The following ZNF500 variants were observed in gnomAD, a reference collection of about 807,000 sequenced individuals.
ZNF500 encodes the protein zinc finger protein with KRAB and SCAN domains 18.
A neutral mutation model predicts 30.1 loss-of-function variants in ZNF500; 31 were observed. The ratio of observed to expected loss-of-function variants is 1.03; its 90% CI spans 0.77 to 1.39. The LOEUF (loss-of-function observed/expected upper bound fraction) is 1.39. Among genes scored for constraint, ZNF500 ranks in the 40% most tolerant of loss-of-function variants. The pLI is 0.00. For missense variants in ZNF500, 817 were observed against 657.8 expected (o/e 1.24, Z -2.65); for synonymous variants, 392 against 282.0 (o/e 1.39, Z -3.91).
intron 5 of ZNF500, among the ~76,000 whole-genome samples, chr16:4,759,170 G>C (rs1394674916): frequency 6.6e-6 from 1 of 150,872 alleles, no homozygotes; most frequent in South Asian, 2.1e-4. Flanking sequence ...AGCTGAGATC[G>C]TGCCACTCCA....
intron 5 of ZNF500, among the ~76,000 whole-genome samples, chr16:4,753,671 G>A (rs1422990200): frequency 2.6e-5 from 4 of 152,214 alleles, no homozygotes; most frequent in Admixed American, 1.3e-4. Context: ...TAAGCCAGGG[G>A]TTCCCACCCA....
chr16:4,754,877 T>C (rs1343025587), intron 5 of ZNF500, among the ~76,000 whole-genome samples: 1 of 152,070 alleles, frequency 6.6e-6, no homozygotes, highest in Non-Finnish European at 1.5e-5. Context: ...TGGAGGCAGA[T>C]TTCTCATGAA....
At position 4,752,588 on chromosome 16, in the gene ZNF500, A is replaced by T; in HGVS notation, c.1231T>A (p.Cys411Ser). 1 of 1,588,930 alleles carries T rather than the reference A, an allele frequency of 6.3e-7. No homozygotes were observed. The highest frequency in any genetic ancestry group is 8.6e-7 in the Non-Finnish European group (1 of 1,168,458). ...TTGAAGCGCTTCCCGCACTGGGTGC[A>T]GGCATAGGGCCGCTCCCCGCTGTGT... ...RTHSGERPYA[C>S]TQCGKRFNNS... is the part of the protein sequence containing the mutation. Residue 411 changes from cysteine to serine, a missense_variant, in exon 6 of 6, where the codon TGC (cysteine) becomes AGC (serine). Cys to Ser is a moderately radical substitution (Grantham distance 112, BLOSUM62 -1). Transcript: ENST00000219478.
At position 4,752,195 on chromosome 16, in the gene ZNF500, C is replaced by A; in HGVS notation, c.*181G>T. 1 of 1,419,816 alleles carries A rather than the reference C, an allele frequency of 7.0e-7. No homozygotes were observed. The highest frequency in any genetic ancestry group is 2.6e-4 in the Middle Eastern group (1 of 3,852). The allele number at this position is 1,419,816 out of a possible 1,614,324, so 88.0% of individuals were successfully genotyped here. ...CTCAGAGCCTGTCCTTGCCCTTGTT[C>A]TGCACCCAGTGCCCAGCTTCCTCTG... On this transcript the variant is annotated 3_prime_UTR_variant, in exon 6 of 6. Coordinates refer to ENST00000219478, the MANE Select transcript of ZNF500 (RefSeq NM_021646.4).
At chr16:4,754,789 CTA>C (rs1272754874) in intron 5 of ZNF500, among the ~76,000 whole-genome samples, 1 of 152,028 alleles carries the variant, frequency 6.6e-6, no homozygotes, top group African/African-American at 2.4e-5. Flanking sequence ...TGGTTTCGAT[CTA>C]TGTCCTCACC....
intron 1 of ZNF500, among the ~76,000 whole-genome samples, chr16:4,766,337 G>A (rs1310969672): frequency 1.3e-5 from 2 of 152,202 alleles, no homozygotes; most frequent in African/African-American, 4.8e-5. Context: ...AGAACTAAAA[G>A]GGATGGCTGG....
At chr16:4,765,031 T>A (rs955478348) in intron 2 of ZNF500, among the ~76,000 whole-genome samples, 1 of 152,264 alleles carries the variant, frequency 6.6e-6, no homozygotes, top group African/African-American at 2.4e-5. Context: ...GCTGGCGTAG[T>A]GGCTCATGCC....
At chr16:4,759,917 T>G (rs1364926616) in intron 5 of ZNF500, among the ~76,000 whole-genome samples, 2 of 152,180 alleles carry the variant, frequency 1.3e-5, no homozygotes, top group Non-Finnish European at 2.9e-5. Flanking sequence ...CGAGTACCTG[T>G]AATCCCAGCT....
downstream of ZNF500, chr16:4,747,526 C>G: frequency 6.2e-7 from 1 of 1,613,102 alleles, no homozygotes; most frequent in Non-Finnish European, 8.5e-7. Flanking sequence ...GGCAGAGCGC[C>G]CAGGCTCGAC....
chr16:4,747,088 C>G (rs2082027207), downstream of ZNF500: 2 of 1,437,980 alleles, frequency 1.4e-6, no homozygotes, highest in East Asian at 5.1e-5. Context: ...GCAGCAAGCC[C>G]TCCACCTGGC....
At chr16:4,766,374 C>T (rs773857115) in intron 1 of ZNF500, among the ~76,000 whole-genome samples, 10 of 152,104 alleles carry the variant, frequency 6.6e-5, no homozygotes, top group Non-Finnish European at 7.4e-5. Context: ...CTGTAATCCC[C>T]GCACTTTGGG....
At chr16:4,746,459 C>T (rs1367684673), downstream of ZNF500, 3 of 1,613,716 alleles carry the variant, frequency 1.9e-6, no homozygotes, top group East Asian at 2.2e-5. Flanking sequence ...AGTCCCCCAC[C>T]ATCTTTATTG....
chr16:4,766,059 A>G lies in ZNF500; in HGVS notation c.-81T>C. 1.4e-6 allele frequency: 2 copies of G among 1,475,086 alleles called. No individual in the cohort carries two copies. The highest frequency in any genetic ancestry group is 1.8e-6 in the Non-Finnish European group (2 of 1,115,686). The allele number at this position is 1,475,086 out of a possible 1,614,324, so 91.4% of individuals were successfully genotyped here. The stretch of plus-strand genomic sequence containing the variant: ...TATACCTCTGGCCAGACACAGGAAG[A>G]GAGTTTTTTTCAGGGCCCTGTGGAG... On this transcript the variant is annotated 5_prime_UTR_variant, in exon 2 of 6. Coordinates refer to ENST00000219478, the MANE Select transcript of ZNF500 (RefSeq NM_021646.4).
In ZNF500 at chr16:4,762,592, C is replaced by G; in HGVS notation, c.579G>C (p.Pro193=). 5 of 1,613,124 alleles carry G rather than the reference C, an allele frequency of 3.1e-6. No individual in the cohort carries two copies. Among genetic ancestry groups the G allele is most frequent in the East Asian group, 2.2e-5 (1 of 44,872 alleles). The change falls in exon 3 of 6, where the codon CCG becomes CCC. Residue 193 remains proline (P), a synonymous_variant. Transcript: ENST00000219478. ...ACTCACCTCTCTCTGGCCACAACAG[C>G]GGGCCCCTCTGTGGCCTGTGGCTCA... ...AQLSHRPQRG[P]LLWPERGPPA...
At chr16:4,760,672 C>T (rs866483092) in intron 4 of ZNF500, 84 bp from the exon 5 acceptor site, 68 of 1,231,054 alleles carry the variant, frequency 5.5e-5, no homozygotes, top group African/African-American at 5.4e-4. Context: ...GGAGCTGCAC[C>T]GCCACTGCCC....
Position 4,762,572 on chromosome 16 carries a change from CCTCT to C in ZNF500, c.595_598del (p.Arg199AlafsTer25). 6.2e-7 allele frequency: 1 copy of C among 1,611,042 alleles called. No individual in the cohort carries two copies. The highest frequency in any genetic ancestry group is 2.2e-5 in the East Asian group (1 of 44,854). On this transcript the variant is annotated frameshift_variant and splice_region_variant, in exon 3 of 6. Coordinates refer to ENST00000219478, the MANE Select transcript of ZNF500 (RefSeq NM_021646.4). LOFTEE classifies it high-confidence loss of function. ...CATTCCTCCAAAGGGGTGCTACTCA[CCTCT>C]CTCTGGCCACAACAGCGGGCCCCTC...
rs536090338 is a variant in ZNF500, at chr16:4,765,986, G to A, written c.-8C>T. ...GCCAGGGACAGTGGCCATTGCTTCC[G>A]GTGGGCCTTGTTCCTTTTCAGGCCT... On this transcript the variant is annotated 5_prime_UTR_variant, in exon 2 of 6. Coordinates refer to ENST00000219478, the MANE Select transcript of ZNF500 (RefSeq NM_021646.4). The A allele has an allele frequency of 5.6e-5, 86 of 1,542,070 alleles. No individual in the cohort carries two copies. The highest frequency in any genetic ancestry group is 6.8e-5 in the Non-Finnish European group (78 of 1,149,548).
Position 4,752,323 on chromosome 16 carries a change from G to A in ZNF500, c.*53C>T, listed in dbSNP as rs2082088504. On this transcript the variant is annotated 3_prime_UTR_variant, in exon 6 of 6. Transcript: ENST00000219478. ...GGACCAGGCTGTCTAGCAGTTTCCTGAATTCTGTGCCCAGGGATGAGAGTC... is the reference window on the plus strand; with the variant it reads ...GGACCAGGCTGTCTAGCAGTTTCCTAAATTCTGTGCCCAGGGATGAGAGTC... 6.9e-7 allele frequency: 1 copy of A among 1,439,884 alleles called. No homozygotes were observed. The allele number at this position is 1,439,884 out of a possible 1,614,324, so 89.2% of individuals were successfully genotyped here. A position where few individuals can be genotyped will look rare whatever the true frequency, so the allele number is the denominator to read the frequency against.
chr16:4,746,641 T>A, downstream of ZNF500: 1 of 1,265,770 alleles, frequency 7.9e-7, no homozygotes, highest in Non-Finnish European at 1.1e-6. Flanking sequence ...AATTCTCAAT[T>A]GAAAAGTGCT....
Sources: gnomAD v4.1 joint callset for allele counts (sites outside exome capture counted in the v4.1 genomes callset) on GRCh38, gnomAD v4.1.1 for gene constraint, MANE v1.5 for transcripts, NCBI Gene and HGNC (gene_info 2026-07-23, HGNC 2026-07-21) for gene names.